The following AKAP7 variants were observed in gnomAD, a reference collection of about 807,000 sequenced individuals.
The protein encoded by AKAP7 is A-kinase anchoring protein 7, also known as A kinase (PRKA) anchor protein 7.
AKAP7 carries 39 observed loss-of-function variants against 39.5 expected under a neutral mutation model. That is an observed-to-expected ratio of 0.99 (90% CI 0.76 to 1.29). AKAP7 has a LOEUF of 1.29. Among genes scored for constraint, AKAP7 ranks in the 50% most tolerant of loss-of-function variants. AKAP7 has a pLI of 0.00. For missense variants in AKAP7, 414 were observed against 407.7 expected (o/e 1.02, Z -0.13); for synonymous variants, 140 against 139.1 (o/e 1.01, Z -0.05).
chr6:131,241,211 C>T (rs1317519083), intron 7 of AKAP7, among the ~76,000 whole-genome samples: 1 of 152,050 alleles, frequency 6.6e-6, no homozygotes, highest in African/African-American at 2.4e-5. Context: ...ATCAGCAAGA[C>T]CAATAAGTAG....
intron 5 of AKAP7, among the ~76,000 whole-genome samples, chr6:131,178,530 A>G (rs1804794583): frequency 6.6e-6 from 1 of 152,186 alleles, no homozygotes; most frequent in African/African-American, 2.4e-5. Context: ...ATTCATAAGC[A>G]TATTTCTGAG....
chr6:131,273,071 C>T (rs992624711), intron 7 of AKAP7, among the ~76,000 whole-genome samples: 2 of 152,122 alleles, frequency 1.3e-5, no homozygotes, highest in African/African-American at 4.8e-5. Flanking sequence ...AATTGATTCC[C>T]TCATTATTAT....
chr6:131,185,003 G>A, intron 5 of AKAP7: 1 of 759,118 alleles, frequency 1.3e-6, no homozygotes. Flanking sequence ...GGTCATCCAG[G>A]AAGTCATCTG....
intron 7 of AKAP7, among the ~76,000 whole-genome samples, chr6:131,237,114 A>C (rs1811135433): frequency 6.6e-6 from 1 of 152,144 alleles, no homozygotes; most frequent in Admixed American, 6.5e-5. Flanking sequence ...TTTTAGCATG[A>C]AGGGTTGTTG....
chr6:131,192,758 A>G (rs1585055162), intron 5 of AKAP7, among the ~76,000 whole-genome samples: 1 of 152,132 alleles, frequency 6.6e-6, no homozygotes, highest in East Asian at 1.9e-4. Flanking sequence ...TCTTCAATTT[A>G]TCTAATCAGT....
At chr6:131,241,076 T>C (rs1293454643) in intron 7 of AKAP7, among the ~76,000 whole-genome samples, 1 of 152,184 alleles carries the variant, frequency 6.6e-6, no homozygotes, top group Non-Finnish European at 1.5e-5. Context: ...CCAGATCTTA[T>C]TTTGTAGGGA....
chr6:131,147,461 G>C (rs140322698), intron 2 of AKAP7, among the ~76,000 whole-genome samples: 1 of 152,192 alleles, frequency 6.6e-6, no homozygotes, highest in Admixed American at 6.5e-5. Flanking sequence ...CAACTGCCCC[G>C]TAGAGCAGAA....
intron 7 of AKAP7, among the ~76,000 whole-genome samples, chr6:131,227,475 ATGT>A (rs1810271036): frequency 6.6e-6 from 1 of 152,118 alleles, no homozygotes; most frequent in Non-Finnish European, 1.5e-5. Flanking sequence ...AAAGAGAATG[ATGT>A]TGTGCTTGCT....
chr6:131,266,701 TG>T (rs964322662), intron 7 of AKAP7, among the ~76,000 whole-genome samples: 55 of 146,580 alleles, frequency 3.8e-4, no homozygotes, highest in Middle Eastern at 3.4e-3. Flanking sequence ...TTGTTGTTGT[TG>T]TTGTTGTTTT....
intron 7 of AKAP7, among the ~76,000 whole-genome samples, chr6:131,231,609 A>G (rs964701728): frequency 1.3e-5 from 2 of 152,150 alleles, no homozygotes; most frequent in Admixed American, 6.5e-5. Flanking sequence ...TATTTATTTT[A>G]TGACATACAA....
At position 131,282,399 on chromosome 6, in the gene AKAP7, G is replaced by T; in HGVS notation, c.*673G>T. On this transcript the variant is annotated 3_prime_UTR_variant, in exon 8 of 8. Coordinates refer to ENST00000431975, the MANE Select transcript of AKAP7 (RefSeq NM_016377.4). ...TTATTATATAATTTTTTTTTCTTAG[G>T]CAAGAAACCTATTGGAATTCGAGAC... is the stretch of plus-strand genomic sequence containing the variant. The T allele has an allele frequency of 6.8e-7, 1 of 1,467,146 alleles. No homozygotes were observed. The allele number at this position is 1,467,146 out of a possible 1,614,324, so 90.9% of individuals were successfully genotyped here. A position where few individuals can be genotyped will look rare whatever the true frequency, so the allele number is the denominator to read the frequency against.
chr6:131,169,207 G>A lies in AKAP7; in HGVS notation c.523G>A (p.Gly175Arg). Residue 175 changes from glycine (G) to arginine (R), a missense_variant, in exon 5 of 8, where the codon GGA becomes AGA. Coordinates refer to ENST00000431975, the MANE Select transcript of AKAP7 (RefSeq NM_016377.4). ...GCCCTTTCAAGGGATTGGTACTTTT[G>A]GAAATCAGGTTGGATTTGTGAAGCT... ...TLPFQGIGTF[G>R]NQVGFVKLAE... is the part of the protein sequence containing the mutation. 1 of 1,614,082 alleles carries A rather than the reference G, an allele frequency of 6.2e-7. No individual in the cohort carries two copies. Among genetic ancestry groups the A allele is most frequent in the South Asian group, 1.1e-5 (1 of 91,086 alleles).
chr6:131,195,896 G>A (rs533724566), intron 5 of AKAP7, among the ~76,000 whole-genome samples: 7 of 152,102 alleles, frequency 4.6e-5, no homozygotes, highest in East Asian at 1.9e-4. Flanking sequence ...ACCTTTGGGC[G>A]TTTGATTATT....
intron 2 of AKAP7, among the ~76,000 whole-genome samples, chr6:131,150,422 C>A (rs1415594048): frequency 1.3e-5 from 2 of 152,012 alleles, no homozygotes; most frequent in Admixed American, 6.6e-5. Context: ...AAATAAAGAT[C>A]GAATCTTTGT....
chr6:131,269,230 T>C (rs989610184), intron 7 of AKAP7, among the ~76,000 whole-genome samples: 2 of 152,142 alleles, frequency 1.3e-5, no homozygotes, highest in Non-Finnish European at 2.9e-5. Flanking sequence ...GCCTGGCTAA[T>C]TTTTGTATTT....
chr6:131,169,870 A>G (rs1008323844), intron 5 of AKAP7, among the ~76,000 whole-genome samples: 2 of 152,058 alleles, frequency 1.3e-5, no homozygotes, highest in African/African-American at 4.8e-5. Flanking sequence ...TGCAGGTTCA[A>G]TAATCCTTGG....
Position 131,145,256 on chromosome 6 carries a change from C to A in AKAP7, c.20-29C>A, listed in dbSNP as rs190763960. 1,400 of 1,334,528 alleles carry A rather than the reference C, an allele frequency of 1.0e-3. 34 individuals carry two copies. In the Admixed American group the frequency reaches 0.03, roughly 29 times the overall value. The allele number at this position is 1,334,528 out of a possible 1,614,324, so 82.7% of individuals were successfully genotyped here. On this transcript the variant is annotated intron_variant, in intron 1 of 7. Transcript: ENST00000431975. Reference sequence around the variant, plus strand: ...TTAAATAATGACAAGTTAAATAATCCTTTTTTTTCTGTTTGTGATATGTTA... The same window carrying A: ...TTAAATAATGACAAGTTAAATAATCATTTTTTTTCTGTTTGTGATATGTTA...
intron 7 of AKAP7, among the ~76,000 whole-genome samples, chr6:131,251,247 G>A (rs931794249): frequency 6.6e-6 from 1 of 152,136 alleles, no homozygotes; most frequent in Non-Finnish European, 1.5e-5. Flanking sequence ...GGTGACATTT[G>A]CACTGAATTT....
intron 2 of AKAP7, among the ~76,000 whole-genome samples, chr6:131,153,974 C>T (rs1224777343): frequency 1.3e-5 from 2 of 152,100 alleles, no homozygotes; most frequent in Non-Finnish European, 2.9e-5. Context: ...CTTTGGGAGA[C>T]CGAGGAACGT....
Sources: gnomAD v4.1 joint callset for allele counts (sites outside exome capture counted in the v4.1 genomes callset) on GRCh38, gnomAD v4.1.1 for gene constraint, MANE v1.5 for transcripts, NCBI Gene and HGNC (gene_info 2026-07-23, HGNC 2026-07-21) for gene names.